MPRIP: variants seen among roughly 807,000 people sequenced by gnomAD.
MPRIP encodes the protein myosin phosphatase Rho interacting protein.
A neutral mutation model predicts 234.9 loss-of-function variants in MPRIP; 59 were observed. The observed-to-expected ratio is 0.25, with a 90% CI of 0.20 to 0.31. The LOEUF (loss-of-function observed/expected upper bound fraction) is 0.31. MPRIP is among the 10% of genes least tolerant of loss of function. The pLI, the probability that MPRIP is intolerant of heterozygous loss-of-function variation, is 1.00. For synonymous variants in MPRIP, 1,144 were observed against 1,263.9 expected (o/e 0.91, Z 2.01); for missense variants, 2,436 against 3,071.0 (o/e 0.79, Z 4.89).
intron 13 of MPRIP, 89 bp from the exon 14 acceptor site, chr17:17,158,343 T>TG: frequency 4.5e-6 from 5 of 1,118,744 alleles, no homozygotes; most frequent in Non-Finnish European, 3.8e-6. Context: ...TCACAGGGGC[T>TG]GGGTTGTGGC....
At chr17:17,052,549 T>C (rs531366218) in intron 1 of MPRIP, among the ~76,000 whole-genome samples, 1 of 152,290 alleles carries the variant, frequency 6.6e-6, no homozygotes, top group African/African-American at 2.4e-5. Flanking sequence ...CAGCACGATT[T>C]TTTCCAAAGT....
At chr17:17,179,083 A>C (rs1391152611) in intron 22 of MPRIP, among the ~76,000 whole-genome samples, 1 of 152,154 alleles carries the variant, frequency 6.6e-6, no homozygotes, top group African/African-American at 2.4e-5. Context: ...TGGGAGGTTG[A>C]GGCGGGTGGA....
At chr17:17,043,949 A>G (rs557560970) in intron 1 of MPRIP, among the ~76,000 whole-genome samples, 1 of 152,276 alleles carries the variant, frequency 6.6e-6, no homozygotes, top group South Asian at 2.1e-4. Context: ...AGTGTGACCT[A>G]GTTGTAGCCA....
chr17:17,044,845 G>A (rs1446711058), intron 1 of MPRIP, among the ~76,000 whole-genome samples: 1 of 152,106 alleles, frequency 6.6e-6, no homozygotes, highest in African/African-American at 2.4e-5. Flanking sequence ...TTTGAAACAG[G>A]CCTGAGACCT....
chr17:17,174,162 T>G, intron 19 of MPRIP, 87 bp downstream of exon 19: 1 of 1,477,350 alleles, frequency 6.8e-7, no homozygotes, highest in African/African-American at 1.4e-5. Context: ...ACACTGGAGC[T>G]GGAGCCAGGC....
chr17:17,175,567 G>T (rs181552204), intron 20 of MPRIP, among the ~76,000 whole-genome samples, 155 bp downstream of exon 20: 131 of 152,344 alleles, frequency 8.6e-4, no homozygotes, highest in African/African-American at 3.1e-3. Flanking sequence ...CCCGAAGGCG[G>T]CGAGGAGCAG....
intron 19 of MPRIP, among the ~76,000 whole-genome samples, chr17:17,174,987 C>A (rs1160511316): frequency 6.6e-6 from 1 of 152,192 alleles, no homozygotes; most frequent in Non-Finnish European, 1.5e-5. Context: ...CCCTTTCTCA[C>A]CTGAGGCCTT....
chr17:17,055,251 G>A (rs926210053), intron 1 of MPRIP, among the ~76,000 whole-genome samples: 2 of 152,088 alleles, frequency 1.3e-5, no homozygotes, highest in Admixed American at 6.5e-5. Flanking sequence ...GGCAGTGTGG[G>A]AGAAGATTAA....
At chr17:17,163,642 A>G (rs899462140) in intron 15 of MPRIP, among the ~76,000 whole-genome samples, 4 of 152,042 alleles carry the variant, frequency 2.6e-5, no homozygotes, top group Non-Finnish European at 4.4e-5. Flanking sequence ...CTCCTGTCTT[A>G]GAAGGAAGTG....
chr17:17,118,004 A>G (rs2090318459), intron 3 of MPRIP, among the ~76,000 whole-genome samples: 3 of 152,236 alleles, frequency 2.0e-5, no homozygotes, highest in Admixed American at 2.0e-4. Flanking sequence ...ACTTCTGCAG[A>G]GGGAAACAGC....
At chr17:17,125,725 C>T (rs1373382723) in intron 3 of MPRIP, among the ~76,000 whole-genome samples, 1 of 152,202 alleles carries the variant, frequency 6.6e-6, no homozygotes, top group Non-Finnish European at 1.5e-5. Context: ...GGCTGGATGG[C>T]CTCTGGGTGG....
chr17:17,074,095 C>T (rs1185603416), intron 1 of MPRIP, among the ~76,000 whole-genome samples: 2 of 152,316 alleles, frequency 1.3e-5, no homozygotes, highest in East Asian at 1.9e-4. Context: ...CTCTGAGTCA[C>T]GGTCTGCAGC....
rs2046569847 is a variant in MPRIP at position 17,190,701 on chromosome 17, G to A, written c.*5807G>A. 6.6e-6 allele frequency: 1 copy of A among 152,202 alleles called. No individual in the cohort carries two copies. Among genetic ancestry groups the A allele is most frequent in the Non-Finnish European group, 1.5e-5 (1 of 68,040 alleles). The allele number at this position is 152,202 out of a possible 1,614,324, so 9.4% of individuals were successfully genotyped here. On this transcript the variant is annotated 3_prime_UTR_variant, in exon 24 of 24. Coordinates refer to ENST00000651222, the MANE Select transcript of MPRIP (RefSeq NM_001364716.4). ...AAAAGGCTCTTGGCAGGGTAGGGGA[G>A]TCAGTAGCTCAACACTAGATCATCC...
intron 16 of MPRIP, 59 bp from the exon 17 acceptor site, chr17:17,171,659 A>T: frequency 6.4e-7 from 1 of 1,572,014 alleles, no homozygotes; most frequent in Non-Finnish European, 8.6e-7. Context: ...TTTATTTAAA[A>T]GGGCCCCCAA....
At chr17:17,173,801 C>T (rs777934422) in intron 18 of MPRIP, 115 bp from the exon 19 acceptor site, 124 of 1,239,450 alleles carry the variant, frequency 1.0e-4, no homozygotes, top group Non-Finnish European at 1.4e-4. Flanking sequence ...ATTAAGACAA[C>T]AGACTGTGTG....
At chr17:17,055,602 G>A (rs981864056) in intron 1 of MPRIP, among the ~76,000 whole-genome samples, 1 of 152,180 alleles carries the variant, frequency 6.6e-6, no homozygotes, top group Non-Finnish European at 1.5e-5. Context: ...TAAACAGGAG[G>A]AGTCTCTTCT....
intron 1 of MPRIP, among the ~76,000 whole-genome samples, chr17:17,073,216 A>G (rs534102920): frequency 6.6e-6 from 1 of 151,868 alleles, no homozygotes; most frequent in African/African-American, 2.4e-5. Flanking sequence ...GAGGCCCTAC[A>G]TCTCGCTCTC....
intron 23 of MPRIP, among the ~76,000 whole-genome samples, chr17:17,184,114 A>G (rs2046427062): frequency 6.6e-6 from 1 of 152,266 alleles, no homozygotes; most frequent in South Asian, 2.1e-4. Flanking sequence ...AAAGTCTGTA[A>G]GAATGAGATG....
chr17:17,132,873 A>G (rs1790343197), intron 5 of MPRIP, among the ~76,000 whole-genome samples: 1 of 152,256 alleles, frequency 6.6e-6, no homozygotes, highest in Admixed American at 6.5e-5. Context: ...GGGGAACAGC[A>G]GTTAATACGT....
Sources: allele counts gnomAD v4.1 joint callset (sites outside exome capture counted in the v4.1 genomes callset), GRCh38; gene constraint gnomAD v4.1.1; transcripts MANE v1.5; gene names NCBI Gene and HGNC (gene_info 2026-07-23, HGNC 2026-07-21).